The following ATP8B4 variants were observed in gnomAD, a reference collection of about 807,000 sequenced individuals.
ATP8B4 encodes ATPase phospholipid transporting 8B4 (putative).
Under a neutral mutation model 145.6 loss-of-function variants are expected in ATP8B4, and 133 were observed. The ratio of observed to expected loss-of-function variants is 0.91; its 90% CI spans 0.79 to 1.05. The LOEUF is 1.05. Among genes scored for constraint, ATP8B4 ranks in the 50% least tolerant of loss-of-function variants. The probability of loss-of-function intolerance (pLI) is 0.00; values close to 1 mark genes in which losing one functional copy is unlikely to be tolerated. For missense variants in ATP8B4, 1,458 were observed against 1,425.2 expected (o/e 1.02, Z -0.37); for synonymous variants, 507 against 492.9 (o/e 1.03, Z -0.38).
chr15:50,090,757 GA>G (rs2055557693), intron 2 of ATP8B4, among the ~76,000 whole-genome samples: 2 of 152,092 alleles, frequency 1.3e-5, no homozygotes, highest in African/African-American at 2.4e-5. Flanking sequence ...ATTGAAATGT[GA>G]TTTTTTTTTT....
At chr15:49,971,512 A>T (rs916670132) in intron 13 of ATP8B4, among the ~76,000 whole-genome samples, 7 of 152,222 alleles carry the variant, frequency 4.6e-5, no homozygotes, top group Admixed American at 3.9e-4. Flanking sequence ...CAGCAAACAT[A>T]TGAAAAAAAG....
At chr15:50,077,989 A>G (rs762354372) in intron 2 of ATP8B4, among the ~76,000 whole-genome samples, 2 of 152,150 alleles carry the variant, frequency 1.3e-5, no homozygotes, top group African/African-American at 2.4e-5. Flanking sequence ...GATGGCACTA[A>G]TCTATCTAGT....
chr15:49,911,720 A>T (rs561377787), intron 20 of ATP8B4, among the ~76,000 whole-genome samples: 1 of 152,144 alleles, frequency 6.6e-6, no homozygotes, highest in Non-Finnish European at 1.5e-5. Flanking sequence ...TTTATCCAAC[A>T]CTTGCAGAAT....
At chr15:49,899,963 T>C (rs1016297360) in intron 21 of ATP8B4, among the ~76,000 whole-genome samples, 1 of 152,180 alleles carries the variant, frequency 6.6e-6, no homozygotes, top group African/African-American at 2.4e-5. Flanking sequence ...CTGAGTACTC[T>C]TAATGTCACC....
intron 14 of ATP8B4, among the ~76,000 whole-genome samples, chr15:49,958,074 A>G (rs1431386958): frequency 6.6e-6 from 1 of 151,716 alleles, no homozygotes. Flanking sequence ...TTTTATTAAC[A>G]GTGCAATAAA....
At chr15:50,149,005 T>C (rs2031320196) in intron 1 of ATP8B4, among the ~76,000 whole-genome samples, 1 of 152,214 alleles carries the variant, frequency 6.6e-6, no homozygotes, top group Non-Finnish European at 1.5e-5. Context: ...AAGTATCCCT[T>C]TTAAAAATAA....
chr15:49,912,260 A>G (rs944013327), intron 20 of ATP8B4, among the ~76,000 whole-genome samples: 1 of 152,164 alleles, frequency 6.6e-6, no homozygotes, highest in Non-Finnish European at 1.5e-5. Flanking sequence ...AAGATGAACA[A>G]AGTTAATAAA....
At chr15:49,956,562 G>A (rs2043579333) in intron 14 of ATP8B4, among the ~76,000 whole-genome samples, 1 of 152,152 alleles carries the variant, frequency 6.6e-6, no homozygotes, top group Non-Finnish European at 1.5e-5. Context: ...GATTTTTCTT[G>A]AGACAGAGTA....
chr15:50,012,559 A>G (rs555978818), intron 6 of ATP8B4, among the ~76,000 whole-genome samples: 1 of 152,276 alleles, frequency 6.6e-6, no homozygotes, highest in Admixed American at 6.5e-5. Flanking sequence ...AATTGGACAC[A>G]CTTTTCAGGT....
chr15:50,032,522 T>C (rs140790218), intron 6 of ATP8B4, among the ~76,000 whole-genome samples: 5,463 of 152,322 alleles, frequency 0.036, 133 homozygotes, highest in Middle Eastern at 0.082. Flanking sequence ...TAGGGTAGAA[T>C]GACTTATAAT....
chr15:50,023,773 C>A (rs1599869312), intron 6 of ATP8B4, among the ~76,000 whole-genome samples: 12 of 44,500 alleles, frequency 2.7e-4, no homozygotes, highest in Admixed American at 7.3e-4. Context: ...AAATTGAGAC[C>A]AAAGGCAAAA....
intron 3 of ATP8B4, among the ~76,000 whole-genome samples, chr15:50,073,508 G>T (rs2053985834): frequency 6.6e-6 from 1 of 152,086 alleles, no homozygotes; most frequent in South Asian, 2.1e-4. Context: ...ATTTAGGTTG[G>T]TTCCAGGTCC....
chr15:50,057,364 C>T (rs1288692348), intron 3 of ATP8B4, among the ~76,000 whole-genome samples: 1 of 152,122 alleles, frequency 6.6e-6, no homozygotes, highest in Non-Finnish European at 1.5e-5. Flanking sequence ...TGAGGGTTGC[C>T]CATAAAAGCA....
chr15:49,885,550 CTTG>C (rs1293020701), intron 23 of ATP8B4, among the ~76,000 whole-genome samples: 3 of 152,204 alleles, frequency 2.0e-5, no homozygotes. Context: ...TCTATAAATA[CTTG>C]TTGAATTAAT....
At chr15:49,902,651 G>A (rs1215102863) in intron 20 of ATP8B4, among the ~76,000 whole-genome samples, 1 of 152,190 alleles carries the variant, frequency 6.6e-6, no homozygotes, top group Non-Finnish European at 1.5e-5. Context: ...AGGGGAGAGG[G>A]AAGTAGAACA....
intron 1 of ATP8B4, among the ~76,000 whole-genome samples, chr15:50,140,082 G>C (rs1300688388): frequency 6.6e-6 from 1 of 151,894 alleles, no homozygotes; most frequent in African/African-American, 2.4e-5. Context: ...GCACTATTTG[G>C]GTGACAGGTG....
chr15:49,957,138 A>G (rs2043641041), intron 14 of ATP8B4, among the ~76,000 whole-genome samples: 1 of 152,154 alleles, frequency 6.6e-6, no homozygotes, highest in African/African-American at 2.4e-5. Flanking sequence ...AAATCGACTC[A>G]TAGAAATTTA....
At chr15:49,913,057 G>A (rs1220853654) in intron 20 of ATP8B4, among the ~76,000 whole-genome samples, 8 of 151,952 alleles carry the variant, frequency 5.3e-5, no homozygotes, top group South Asian at 4.2e-4. Flanking sequence ...CTTGAGCCCC[G>A]GAGGTCGATG....
chr15:49,923,396 T>C lies in ATP8B4; in HGVS notation c.1741A>G (p.Thr581Ala), dbSNP rs373968587. ...HPSNEVLLSLTSDHLSEFAGE... is the reference protein window; with the variant it reads ...HPSNEVLLSLASDHLSEFAGE... ...GCACTTACACTGAGGTGGTCTGACG[T>C]CAAAGACAAAAGGACTTCATTGGAA... Residue 581 changes from threonine (T) to alanine (A), a missense_variant, in exon 17 of 28, where the codon ACG (threonine) becomes GCG (alanine). Coordinates refer to ENST00000284509, the MANE Select transcript of ATP8B4 (RefSeq NM_024837.4). 104 of 1,611,454 alleles carry C rather than the reference T, an allele frequency of 6.5e-5. No homozygotes were observed. The highest frequency in any genetic ancestry group is 8.7e-5 in the Non-Finnish European group (102 of 1,177,872).
Sources: allele counts gnomAD v4.1 joint callset (sites outside exome capture counted in the v4.1 genomes callset), GRCh38; gene constraint gnomAD v4.1.1; transcripts MANE v1.5; gene names NCBI Gene and HGNC (gene_info 2026-07-23, HGNC 2026-07-21).